Variants in MMP17 observed in about 807,000 individuals in gnomAD.
The protein encoded by MMP17 is matrix metalloproteinase-17.
MMP17 carries 54 observed loss-of-function variants against 49.1 expected under a neutral mutation model. The ratio of observed to expected loss-of-function variants is 1.10; its 90% CI spans 0.88 to 1.38. MMP17 has a LOEUF of 1.38. MMP17 is among the 40% of genes most tolerant of loss of function. The pLI, the probability that MMP17 is intolerant of heterozygous loss-of-function variation, is 0.00. For missense variants in MMP17, 837 were observed against 853.7 expected (o/e 0.98, Z 0.24); for synonymous variants, 397 against 383.1 (o/e 1.04, Z -0.42).
At position 131,850,968 on chromosome 12, in the gene MMP17, G is replaced by C; in HGVS notation, c.1506G>C (p.Leu502=). Residue 502 remains leucine (L), a synonymous_variant, in exon 10 of 10, where the codon CTG becomes CTC. Coordinates refer to ENST00000360564, the MANE Select transcript of MMP17 (RefSeq NM_016155.7). ...GTGGCCAGGAGTACTGGAAAGTGCT[G>C]GATGGCGAGCTGGAGGTGGCACCCG... ...FFRGQEYWKV[L]DGELEVAPGY... 1 of 1,547,286 alleles carries C rather than the reference G, an allele frequency of 6.5e-7. No individual in the cohort carries two copies. The highest frequency in any genetic ancestry group is 1.2e-5 in the South Asian group (1 of 80,944).
At chr12:131,830,607 G>C (rs1886741864) in intron 1 of MMP17, among the ~76,000 whole-genome samples, 1 of 152,236 alleles carries the variant, frequency 6.6e-6, no homozygotes, top group Non-Finnish European at 1.5e-5. Flanking sequence ...CTGGGCGGGA[G>C]CGGGGACTCC....
In MMP17 at chr12:131,840,977, G is replaced by A. The variant is rs976248157; in HGVS notation, c.706+121G>A. 4 of 1,220,218 alleles carry A rather than the reference G, an allele frequency of 3.3e-6. No individual in the cohort carries two copies. The African/African-American group carries it at 6.1e-5, about 19-fold the overall frequency. The allele number at this position is 1,220,218 out of a possible 1,614,324, so 75.6% of individuals were successfully genotyped here. On this transcript the variant is annotated intron_variant, in intron 4 of 9. Coordinates refer to ENST00000360564, the MANE Select transcript of MMP17 (RefSeq NM_016155.7). ...TGAAAACACACGCGGCTGCTCCTGA[G>A]CACGGCTGGGCATTTCCCACTAGGC...
chr12:131,849,318 T>C (rs1291420346), intron 8 of MMP17, among the ~76,000 whole-genome samples: 4 of 152,116 alleles, frequency 2.6e-5, no homozygotes, highest in Non-Finnish European at 5.9e-5. Context: ...ACCCCGTCTC[T>C]ACTAAAAATA....
chr12:131,832,944 G>A (rs113737659), intron 1 of MMP17, among the ~76,000 whole-genome samples: 16 of 151,718 alleles, frequency 1.1e-4, no homozygotes, highest in African/African-American at 3.1e-4. Context: ...AGCTCCTTCC[G>A]TGTCCCCCAG....
chr12:131,836,036 C>A (rs751370116), intron 1 of MMP17, among the ~76,000 whole-genome samples: 5 of 152,196 alleles, frequency 3.3e-5, no homozygotes, highest in Non-Finnish European at 4.4e-5. Context: ...CCCCCAAGGC[C>A]CCTCCAGAGA....
chr12:131,839,607 G>A (rs1887278288), intron 3 of MMP17, among the ~76,000 whole-genome samples: 2 of 152,128 alleles, frequency 1.3e-5, no homozygotes, highest in Non-Finnish European at 2.9e-5. Flanking sequence ...CCAAGTAGGT[G>A]GGATTACAGG....
chr12:131,849,847 A>G lies in MMP17; in HGVS notation c.1250A>G (p.Tyr417Cys). ...AAGGACAATAACGTAGAGGAAGGAT[A>G]CCCGCGCCCCGTCTCCGACTTCAGC... The part of the protein sequence containing the change: ...VFKDNNVEEG[Y>C]PRPVSDFSLP... The change falls in exon 9 of 10, where the codon TAC becomes TGC. Residue 417 changes from tyrosine (Y) to cysteine (C), a missense_variant. Transcript: ENST00000360564. 6.2e-7 allele frequency: 1 copy of G among 1,613,800 alleles called. No individual in the cohort carries two copies. Among genetic ancestry groups the G allele is most frequent in the East Asian group, 2.2e-5 (1 of 44,864 alleles).
At position 131,849,882 on chromosome 12, in the gene MMP17, G is replaced by A; in HGVS notation, c.1285G>A (p.Gly429Ser). 1.2e-6 allele frequency: 2 copies of A among 1,614,056 alleles called. No homozygotes were observed. The highest frequency in any genetic ancestry group is 1.7e-6 in the Non-Finnish European group (2 of 1,180,022). Residue 429 changes from glycine to serine, a missense_variant, in exon 9 of 10, where the codon GGC becomes AGC. Transcript: ENST00000360564. Reference protein sequence around the residue: ...RPVSDFSLPPGGIDAAFSWAH... With the variant: ...RPVSDFSLPPSGIDAAFSWAH... Reference sequence around the variant, plus strand: ...CGTCTCCGACTTCAGCCTCCCGCCTGGCGGCATCGACGCTGCCTTCTCCTG... The same window carrying A: ...CGTCTCCGACTTCAGCCTCCCGCCTAGCGGCATCGACGCTGCCTTCTCCTG...
At chr12:131,831,310 C>T (rs1220352814) in intron 1 of MMP17, among the ~76,000 whole-genome samples, 3 of 151,342 alleles carry the variant, frequency 2.0e-5, no homozygotes, top group Admixed American at 1.3e-4. Context: ...ACCGCGCCCA[C>T]GGCACAGTGG....
In MMP17 at chr12:131,828,408, C is replaced by T; in HGVS notation, c.-87C>T. 1 of 801,184 alleles carries T rather than the reference C, an allele frequency of 1.2e-6. No homozygotes were observed. The highest frequency in any genetic ancestry group is 1.5e-6 in the Non-Finnish European group (1 of 661,472). The allele number at this position is 801,184 out of a possible 1,614,324, so 49.6% of individuals were successfully genotyped here. ...CGCGGGGCTCAGTCCGGCGGGGGCG[C>T]CGCGGAGAGCGGAGGGCGCCGGGCT... On this transcript the variant is annotated 5_prime_UTR_variant, in exon 1 of 10. Coordinates refer to ENST00000360564, the MANE Select transcript of MMP17 (RefSeq NM_016155.7).
At chr12:131,829,989 CTCCCGGA>C (rs1886709731) in intron 1 of MMP17, among the ~76,000 whole-genome samples, 1 of 152,232 alleles carries the variant, frequency 6.6e-6, no homozygotes, top group Non-Finnish European at 1.5e-5. Context: ...AGGTGCGGAT[CTCCCGGA>C]TCCCCCACTG....
At chr12:131,848,033 C>G (rs1887794930) in intron 8 of MMP17, among the ~76,000 whole-genome samples, 1 of 152,206 alleles carries the variant, frequency 6.6e-6, no homozygotes, top group Admixed American at 6.6e-5. Context: ...CCTTTCCAGT[C>G]TCCAGCAAAG....
At chr12:131,828,841 G>C (rs1886647663) in intron 1 of MMP17, among the ~76,000 whole-genome samples, 188 bp downstream of exon 1, 1 of 151,926 alleles carries the variant, frequency 6.6e-6, no homozygotes, top group Non-Finnish European at 1.5e-5. Context: ...CCGGGCGAGC[G>C]CACGCGAGTC....
rs1887372272 is a variant in MMP17 at position 131,840,921 on chromosome 12, G to C, written c.706+65G>C. Reference sequence around the variant, plus strand: ...CAGCGGCCTGTGAGGCTGAGGAGCAGCCATGGCCCCCCCATCCCCAACCCT... The same window carrying C: ...CAGCGGCCTGTGAGGCTGAGGAGCACCCATGGCCCCCCCATCCCCAACCCT... On this transcript the variant is annotated intron_variant, in intron 4 of 9. Transcript: ENST00000360564. 114 of 1,477,610 alleles carry C rather than the reference G, an allele frequency of 7.7e-5. 2 individuals are homozygous for C. The South Asian group carries it at 1.5e-3, about 19-fold the overall frequency. 91.5% of individuals were successfully genotyped at this position (1,477,610 alleles called of 1,614,324 possible). A position where few individuals can be genotyped will look rare whatever the true frequency, so the allele number is the denominator to read the frequency against.
At chr12:131,843,258 A>G (rs9705586) in intron 5 of MMP17, among the ~76,000 whole-genome samples, 52,677 of 140,638 alleles carry the variant, frequency 0.37, 12,350 homozygotes, top group African/African-American at 0.66. Context: ...GAGCCACCGC[A>G]CCTGGCCTCT....
chr12:131,845,627 C>G (rs1593236266), intron 8 of MMP17, among the ~76,000 whole-genome samples, 178 bp downstream of exon 8: 1 of 152,340 alleles, frequency 6.6e-6, no homozygotes, highest in South Asian at 2.1e-4. Context: ...ACTGTATGCC[C>G]CGTCCTGAGG....
At chr12:131,837,237 A>C (rs573829799) in intron 1 of MMP17, among the ~76,000 whole-genome samples, 1 of 152,234 alleles carries the variant, frequency 6.6e-6, no homozygotes, top group Admixed American at 6.5e-5. Flanking sequence ...GCCTTGCCCC[A>C]GGCACACAGC....
chr12:131,845,473 T>G, intron 8 of MMP17, 24 bp downstream of exon 8: 1 of 1,538,968 alleles, frequency 6.5e-7, no homozygotes, highest in Admixed American at 1.8e-5. Flanking sequence ...CCCGTCGCAC[T>G]CCGGGCTTCC....
chr12:131,844,925 C>CGGT, intron 6 of MMP17, 193 bp from the exon 7 acceptor site: 2 of 599,512 alleles, frequency 3.3e-6, no homozygotes, highest in Non-Finnish European at 6.0e-6. Context: ...GCGTAGATCT[C>CGGT]GGCCCCCGCC....
Sources: gnomAD v4.1 joint callset for allele counts (sites outside exome capture counted in the v4.1 genomes callset) on GRCh38, gnomAD v4.1.1 for gene constraint, MANE v1.5 for transcripts, NCBI Gene and HGNC (gene_info 2026-07-23, HGNC 2026-07-21) for gene names.